The following MAD1L1 variants were observed in gnomAD, a reference collection of about 807,000 sequenced individuals.
The protein encoded by MAD1L1 is mitotic arrest deficient 1 like 1.
In MAD1L1, 95 loss-of-function variants were observed where a neutral mutation model predicts 96.9. The observed-to-expected ratio is 0.98, with a 90% CI of 0.83 to 1.16. The LOEUF (loss-of-function observed/expected upper bound fraction) is 1.16, where lower values mean the gene tolerates loss of function less well. Among genes scored for constraint, MAD1L1 ranks in the 50% most tolerant of loss-of-function variants. The pLI, the probability that MAD1L1 is intolerant of heterozygous loss-of-function variation, is 0.00. For missense variants in MAD1L1, 1,007 were observed against 954.4 expected, an observed-to-expected ratio of 1.06 and a Z score of -0.73; for synonymous variants, 473 against 396.6, an observed-to-expected ratio of 1.19 and a Z score of -2.29.
At chr7:1,994,445 G>A (rs1418102477) in intron 14 of MAD1L1, among the ~76,000 whole-genome samples, 1 of 152,174 alleles carries the variant, frequency 6.6e-6, no homozygotes, top group Non-Finnish European at 1.5e-5. Context: ...CAGAGGGTGG[G>A]GACATCACCG....
intron 11 of MAD1L1, among the ~76,000 whole-genome samples, chr7:2,099,821 C>A (rs200017528): frequency 1.3e-5 from 2 of 152,230 alleles, no homozygotes; most frequent in African/African-American, 4.8e-5. Context: ...TGAAACTATC[C>A]CCAGTGGGAC....
intron 17 of MAD1L1, among the ~76,000 whole-genome samples, chr7:1,914,893 C>A (rs1304430456): frequency 2.0e-5 from 3 of 152,274 alleles, no homozygotes; most frequent in Non-Finnish European, 4.4e-5. Flanking sequence ...GGATGACAGG[C>A]ATGAGTGCCG....
chr7:2,143,731 G>A (rs1016158709), intron 11 of MAD1L1, among the ~76,000 whole-genome samples: 17 of 152,098 alleles, frequency 1.1e-4, no homozygotes, highest in African/African-American at 3.6e-4. Context: ...TTCAGGCCAA[G>A]GGCTCTTCTG....
At chr7:1,915,870 C>T (rs1156635442) in intron 17 of MAD1L1, among the ~76,000 whole-genome samples, 1 of 152,134 alleles carries the variant, frequency 6.6e-6, no homozygotes, top group Non-Finnish European at 1.5e-5. Flanking sequence ...ATTCTTGGGA[C>T]AAAGCACTAC....
chr7:2,017,499 G>A (rs1782594208), intron 12 of MAD1L1, among the ~76,000 whole-genome samples: 1 of 152,224 alleles, frequency 6.6e-6, no homozygotes. Context: ...GCCGATGGGG[G>A]CCGGGGGCAG....
intron 5 of MAD1L1, 51 bp from the exon 6 acceptor site, chr7:2,219,507 G>C: frequency 6.3e-7 from 1 of 1,593,412 alleles, no homozygotes; most frequent in Non-Finnish European, 8.6e-7. Flanking sequence ...GCCCGTGCGT[G>C]GAAGGAGCCT....
At chr7:1,869,361 C>T (rs558178431) in intron 18 of MAD1L1, among the ~76,000 whole-genome samples, 2 of 152,264 alleles carry the variant, frequency 1.3e-5, no homozygotes, top group East Asian at 1.9e-4. Flanking sequence ...CCCTGAACTC[C>T]ACCTTATAGG....
intron 12 of MAD1L1, among the ~76,000 whole-genome samples, chr7:2,049,693 C>A (rs1281573735): frequency 1.3e-5 from 2 of 152,178 alleles, no homozygotes. Flanking sequence ...GCGTGGGTGG[C>A]CAGACTCGCT....
intron 18 of MAD1L1, chr7:1,829,329 G>A (rs947441269): frequency 2.0e-5 from 3 of 152,290 alleles, no homozygotes; most frequent in African/African-American, 4.8e-5. Flanking sequence ...CTCCCACCCT[G>A]GTTCTCAGAG....
intron 18 of MAD1L1, among the ~76,000 whole-genome samples, chr7:1,877,610 A>G (rs1270210331): frequency 6.6e-6 from 1 of 152,220 alleles, no homozygotes; most frequent in African/African-American, 2.4e-5. Flanking sequence ...GAATAAAAAA[A>G]GCAAGATTCA....
chr7:1,910,645 G>C (rs1051935842), intron 17 of MAD1L1, among the ~76,000 whole-genome samples: 12 of 152,194 alleles, frequency 7.9e-5, no homozygotes, highest in African/African-American at 1.4e-4. Flanking sequence ...TAGAGCTCAC[G>C]AGCATCTGAG....
chr7:2,146,000 T>A (rs1789278448), intron 11 of MAD1L1, among the ~76,000 whole-genome samples: 1 of 152,058 alleles, frequency 6.6e-6, no homozygotes, highest in Non-Finnish European at 1.5e-5. Context: ...GCACATCAGA[T>A]CAGCAGAGAA....
At chr7:2,217,908 A>C (rs1383672899) in intron 7 of MAD1L1, 54 bp downstream of exon 7, 2 of 1,460,164 alleles carry the variant, frequency 1.4e-6, no homozygotes, top group Admixed American at 3.4e-5. Context: ...CAGGGGCAGG[A>C]GAGTCAAGGC....
At chr7:1,972,454 C>T (rs140791805) in intron 15 of MAD1L1, among the ~76,000 whole-genome samples, 69 of 152,142 alleles carry the variant, frequency 4.5e-4, no homozygotes, top group African/African-American at 1.2e-3. Flanking sequence ...GGAGTGAGTC[C>T]GCTGCTTCAA....
chr7:2,135,054 C>T (rs1448083321), intron 11 of MAD1L1, among the ~76,000 whole-genome samples: 1 of 152,238 alleles, frequency 6.6e-6, no homozygotes, highest in Non-Finnish European at 1.5e-5. Flanking sequence ...ACACAAAAAA[C>T]ACCCCCTACA....
rs541066868 is a variant in MAD1L1, at chr7:2,146,890, G to C, written c.1073+2262C>G. 3.9e-5 allele frequency among the ~76,000 whole-genome samples: 6 copies of C among 152,332 alleles called. No homozygotes were observed. The highest frequency in any genetic ancestry group is 1.3e-4 in the Admixed American group (2 of 15,300). ...GAACACGGTGTCCCGCCACGGAAGA[G>C]AGCAGCAGCCCAGAGGCCAGAACGC... On this transcript the variant is annotated intron_variant, in intron 11 of 18. Transcript: ENST00000265854. The surrounding 1 kb of genome is among the most constrained non-coding windows in gnomAD (Gnocchi z 6.2).
intron 12 of MAD1L1, among the ~76,000 whole-genome samples, chr7:2,020,005 A>G (rs1423312771): frequency 6.6e-6 from 1 of 152,180 alleles, no homozygotes; most frequent in Non-Finnish European, 1.5e-5. Flanking sequence ...TGACTTAAGC[A>G]CACGTTACCT....
chr7:2,094,404 G>C (rs1478061114), intron 11 of MAD1L1, among the ~76,000 whole-genome samples: 4 of 152,228 alleles, frequency 2.6e-5, no homozygotes, highest in African/African-American at 9.6e-5. Context: ...CTGCTGAGGA[G>C]GCGCTACCCT....
chr7:1,897,697 C>T (rs1366781422), intron 18 of MAD1L1, among the ~76,000 whole-genome samples: 2 of 152,228 alleles, frequency 1.3e-5, no homozygotes, highest in African/African-American at 2.4e-5. Flanking sequence ...CCTGCTGGCT[C>T]GCAGGACGCG....
Sources: allele counts gnomAD v4.1 joint callset (sites outside exome capture counted in the v4.1 genomes callset), GRCh38; gene constraint gnomAD v4.1.1; non-coding constraint Gnocchi (gnomAD v3.1); transcripts MANE v1.5; gene names NCBI Gene and HGNC (gene_info 2026-07-23, HGNC 2026-07-21).